ANKRD31: variants seen among roughly 807,000 people sequenced by gnomAD.
ANKRD31 encodes ankyrin repeat domain 31, also known as ankyrin repeat domain-containing protein 31.
In ANKRD31, 147 loss-of-function variants were observed where a neutral mutation model predicts 186.0. That is an observed-to-expected ratio of 0.79 (90% CI 0.69 to 0.91). The LOEUF (loss-of-function observed/expected upper bound fraction) is 0.91. Among genes scored for constraint, ANKRD31 ranks in the 40% least tolerant of loss-of-function variants. The pLI is 0.00. For missense variants in ANKRD31, 1,986 were observed against 2,148.8 expected, an observed-to-expected ratio of 0.92 and a Z score of 1.50; for synonymous variants, 673 against 736.4, an observed-to-expected ratio of 0.91 and a Z score of 1.39.
intron 10 of ANKRD31, among the ~76,000 whole-genome samples, chr5:75,186,053 C>T (rs1580514126): frequency 6.6e-6 from 1 of 152,080 alleles, no homozygotes; most frequent in African/African-American, 2.4e-5. Context: ...CCACAGAAAT[C>T]GCTACAGATT....
chr5:75,231,647 C>T (rs57646262), intron 1 of ANKRD31, among the ~76,000 whole-genome samples: 76,740 of 151,948 alleles, frequency 0.51, 22,302 homozygotes, highest in African/African-American at 0.81. Flanking sequence ...GTACACGAAA[C>T]GAAAAGATGT....
At chr5:75,116,933 G>A (rs957715207) in intron 18 of ANKRD31, among the ~76,000 whole-genome samples, 1 of 152,118 alleles carries the variant, frequency 6.6e-6, no homozygotes, top group Non-Finnish European at 1.5e-5. Flanking sequence ...GAAGTAGGTA[G>A]TTTATTATAT....
intron 15 of ANKRD31, 107 bp downstream of exon 15, chr5:75,143,894 T>C (rs1751233493): frequency 5.1e-6 from 2 of 393,258 alleles, no homozygotes; most frequent in African/African-American, 2.1e-5. Context: ...AGTGAATAAC[T>C]ACAAAAAGAA....
At chr5:75,101,870 A>C (rs1482895500) in intron 22 of ANKRD31, among the ~76,000 whole-genome samples, 1 of 152,156 alleles carries the variant, frequency 6.6e-6, no homozygotes, top group Non-Finnish European at 1.5e-5. Context: ...GATGGGTTCG[A>C]ACATCCTCCT....
intron 16 of ANKRD31, among the ~76,000 whole-genome samples, chr5:75,138,444 T>C (rs1279123833): frequency 6.6e-6 from 1 of 152,034 alleles, no homozygotes; most frequent in Admixed American, 6.6e-5. Context: ...TTAGGTAAAT[T>C]TTTCATAGTT....
At chr5:75,176,389 T>C (rs1425017412) in intron 10 of ANKRD31, among the ~76,000 whole-genome samples, 1 of 152,118 alleles carries the variant, frequency 6.6e-6, no homozygotes, top group East Asian at 1.9e-4. Context: ...AGAGTAGTGG[T>C]TCTCCCAGCA....
At chr5:75,123,723 G>C (rs970442524) in intron 17 of ANKRD31, among the ~76,000 whole-genome samples, 1 of 152,070 alleles carries the variant, frequency 6.6e-6, no homozygotes, top group East Asian at 1.9e-4. Context: ...AATAAATAGT[G>C]TTGGGAAAAT....
intron 16 of ANKRD31, 78 bp downstream of exon 16, chr5:75,138,768 G>A: frequency 7.2e-7 from 1 of 1,382,820 alleles, no homozygotes; most frequent in Non-Finnish European, 9.5e-7. Context: ...GGAACAAATT[G>A]GAGGGGGCAG....
intron 10 of ANKRD31, among the ~76,000 whole-genome samples, chr5:75,175,421 T>A (rs1179202703): frequency 1.3e-5 from 2 of 152,056 alleles, no homozygotes; most frequent in Non-Finnish European, 2.9e-5. Flanking sequence ...AGAGCATCTA[T>A]AAAAACCTAT....
chr5:75,091,256 C>T lies in ANKRD31; in HGVS notation c.5472+5G>A, dbSNP rs147504450. 2,449 of 1,526,094 alleles carry T rather than the reference C, an allele frequency of 1.6e-3. 41 individuals are homozygous for T. The African/African-American group carries it at 0.026, about 16-fold the overall frequency. 94.5% of individuals were successfully genotyped at this position (1,526,094 alleles called of 1,614,324 possible). On this transcript the variant is annotated splice_donor_5th_base_variant and intron_variant, in intron 23 of 25. Coordinates refer to ENST00000506364, the MANE Select transcript of ANKRD31 (RefSeq NM_001372053.1). ...AAGTTAAAGATAAACTTAAGAATGA[C>T]CCACCTTACTCCAAGCATAATTCCA...
intron 2 of ANKRD31, among the ~76,000 whole-genome samples, chr5:75,223,573 A>G (rs1412957091): frequency 2.0e-5 from 3 of 152,162 alleles, no homozygotes; most frequent in African/African-American, 7.2e-5. Context: ...TTGGTTTTTG[A>G]AAATCTGAAG....
Position 75,160,436 on chromosome 5 carries a change from T to C in ANKRD31, c.1708-6091A>G, listed in dbSNP as rs145465527. Among the ~76,000 whole-genome samples, 323 of 152,132 alleles carry C rather than the reference T, an allele frequency of 2.1e-3. 1 individual carries two copies. Among genetic ancestry groups the C allele is most frequent in the Non-Finnish European group, 2.4e-3 (162 of 67,974 alleles). On this transcript the variant is annotated intron_variant, in intron 11 of 25. Transcript: ENST00000506364. ...TATAGGTGGGAAAAACACAAAAAGA[T>C]GAGATAGACTGAAAACAAAAAGGGA...
At chr5:75,206,522 T>C in intron 4 of ANKRD31, 35 bp from the exon 5 acceptor site, 1 of 1,256,022 alleles carries the variant, frequency 8.0e-7, no homozygotes, top group Non-Finnish European at 1.0e-6. Flanking sequence ...AATTTTAAAA[T>C]GGAAGAAAAA....
chr5:75,173,726 T>C (rs561899164), intron 10 of ANKRD31, among the ~76,000 whole-genome samples: 1 of 151,752 alleles, frequency 6.6e-6, no homozygotes, highest in East Asian at 1.9e-4. Flanking sequence ...CTCAATGAAA[T>C]AAGAGGAGAC....
At position 75,199,579 on chromosome 5, in the gene ANKRD31, A is replaced by T. The variant is rs991424970; in HGVS notation, c.447+52T>A. ...GATACTTTAATCGACATAATTTTTTAAAAAATCTAAACTCACAGTCTACAT... is the reference window on the plus strand; with the variant it reads ...GATACTTTAATCGACATAATTTTTTTAAAAATCTAAACTCACAGTCTACAT... On this transcript the variant is annotated intron_variant, in intron 6 of 25. Transcript: ENST00000506364. 19 of 1,396,774 alleles carry T rather than the reference A, an allele frequency of 1.4e-5. No individual in the cohort carries two copies. In the South Asian group the frequency reaches 1.5e-4, roughly 11 times the overall value. 86.5% of individuals were successfully genotyped at this position (1,396,774 alleles called of 1,614,324 possible).
At chr5:75,205,864 C>T (rs1439332853) in intron 5 of ANKRD31, among the ~76,000 whole-genome samples, 1 of 152,010 alleles carries the variant, frequency 6.6e-6, no homozygotes, top group East Asian at 1.9e-4. Context: ...TCTAATACAG[C>T]TCAAACCAAG....
intron 17 of ANKRD31, among the ~76,000 whole-genome samples, chr5:75,133,320 A>G (rs1345010089): frequency 1.3e-5 from 2 of 152,178 alleles, no homozygotes; most frequent in African/African-American, 2.4e-5. Flanking sequence ...AGGAAGATCT[A>G]CCAAGCAAAT....
At chr5:75,143,932 C>T in intron 15 of ANKRD31, 69 bp downstream of exon 15, 1 of 395,160 alleles carries the variant, frequency 2.5e-6, no homozygotes, top group Non-Finnish European at 4.5e-6. Context: ...TTAGAAATTC[C>T]TTGAAGTAGA....
intron 1 of ANKRD31, among the ~76,000 whole-genome samples, chr5:75,232,484 G>A (rs1159819557): frequency 6.6e-6 from 1 of 151,858 alleles, no homozygotes; most frequent in Non-Finnish European, 1.5e-5. Context: ...GGCTAGTCTC[G>A]AACTCCTGAC....
Sources: gnomAD v4.1 joint callset for allele counts (sites outside exome capture counted in the v4.1 genomes callset) on GRCh38, gnomAD v4.1.1 for gene constraint, MANE v1.5 for transcripts, NCBI Gene and HGNC (gene_info 2026-07-23, HGNC 2026-07-21) for gene names.